Variants in ANO3 observed in about 807,000 individuals in gnomAD.
ANO3 encodes the protein anoctamin 3.
In ANO3, 99 loss-of-function variants were observed where a neutral mutation model predicts 144.8. The ratio of observed to expected loss-of-function variants is 0.68; its 90% CI spans 0.58 to 0.81. ANO3 has a LOEUF of 0.81. Among genes scored for constraint, ANO3 ranks in the 30% least tolerant of loss-of-function variants. The probability of loss-of-function intolerance (pLI) is 0.00; values close to 1 mark genes in which losing one functional copy is unlikely to be tolerated. For missense variants in ANO3, 905 were observed against 1,202.2 expected (o/e 0.75, Z 3.66); for synonymous variants, 414 against 392.6 (o/e 1.05, Z -0.64).
intron 4 of ANO3, among the ~76,000 whole-genome samples, chr11:26,482,201 A>C (rs1323443096): frequency 6.6e-6 from 1 of 151,624 alleles, no homozygotes; most frequent in African/African-American, 2.4e-5. Flanking sequence ...CCCAGCTTTT[A>C]GTGTTTCTTT....
intron 18 of ANO3, among the ~76,000 whole-genome samples, chr11:26,631,525 T>C (rs556445182): frequency 6.6e-6 from 1 of 152,270 alleles, no homozygotes; most frequent in Non-Finnish European, 1.5e-5. Flanking sequence ...CATCTATCTT[T>C]CAATTATCTG....
chr11:26,655,162 G>A (rs570543385), intron 24 of ANO3, among the ~76,000 whole-genome samples: 5 of 152,192 alleles, frequency 3.3e-5, no homozygotes, highest in African/African-American at 7.2e-5. Flanking sequence ...TTTCCAGGCT[G>A]CCCAAGAACT....
At chr11:26,417,641 A>G (rs1857629688) in intron 1 of ANO3, among the ~76,000 whole-genome samples, 1 of 152,002 alleles carries the variant, frequency 6.6e-6, no homozygotes, top group African/African-American at 2.4e-5. Flanking sequence ...AAAGAATATT[A>G]AAGTATACAT....
intron 4 of ANO3, chr11:26,473,756 TTAAA>T (rs1468987294): frequency 1.8e-5 from 3 of 163,512 alleles, no homozygotes; most frequent in Non-Finnish European, 3.8e-5. Flanking sequence ...CGTTATATGA[TTAAA>T]TGTCACTTAG....
chr11:26,261,991 G>C (rs1446470896), intron 1 of ANO3, among the ~76,000 whole-genome samples: 1 of 152,168 alleles, frequency 6.6e-6, no homozygotes, highest in Non-Finnish European at 1.5e-5. Context: ...GTAACTTTAA[G>C]TAAAATGTTC....
At chr11:26,217,171 GT>G (rs1852050720) in intron 1 of ANO3, among the ~76,000 whole-genome samples, 1 of 151,738 alleles carries the variant, frequency 6.6e-6, no homozygotes, top group African/African-American at 2.4e-5. Context: ...CTATTTTATT[GT>G]CTAGAAGGTT....
At chr11:26,431,631 C>T (rs1858093141) in intron 1 of ANO3, among the ~76,000 whole-genome samples, 1 of 152,170 alleles carries the variant, frequency 6.6e-6, no homozygotes, top group Non-Finnish European at 1.5e-5. Context: ...TCAGCTCCCA[C>T]TTATGAGGAC....
intron 1 of ANO3, among the ~76,000 whole-genome samples, chr11:26,334,818 T>C (rs1855151414): frequency 6.6e-6 from 1 of 152,238 alleles, no homozygotes; most frequent in South Asian, 2.1e-4. Flanking sequence ...TCAATGTCTC[T>C]TTTAAAAATT....
intron 1 of ANO3, among the ~76,000 whole-genome samples, chr11:26,421,988 A>G (rs1320221472): frequency 6.6e-6 from 1 of 152,000 alleles, no homozygotes; most frequent in Non-Finnish European, 1.5e-5. Context: ...ACAAAAATTA[A>G]CTAATGGGTA....
intron 5 of ANO3, among the ~76,000 whole-genome samples, chr11:26,509,610 G>A (rs1861577007): frequency 6.6e-6 from 1 of 152,066 alleles, no homozygotes; most frequent in Non-Finnish European, 1.5e-5. Flanking sequence ...CCTGCGCCCG[G>A]CGCTACTATT....
At chr11:26,513,462 A>G (rs1463127338) in intron 5 of ANO3, among the ~76,000 whole-genome samples, 2 of 152,144 alleles carry the variant, frequency 1.3e-5, no homozygotes, top group Non-Finnish European at 2.9e-5. Flanking sequence ...CTGTACGGTA[A>G]AGTAAAACAA....
chr11:26,512,403 G>T (rs1861699392), intron 5 of ANO3, among the ~76,000 whole-genome samples: 1 of 152,170 alleles, frequency 6.6e-6, no homozygotes, highest in African/African-American at 2.4e-5. Flanking sequence ...AATAGTGCCA[G>T]ATTGGCAGTT....
intron 1 of ANO3, among the ~76,000 whole-genome samples, chr11:26,342,467 A>G (rs1007575757): frequency 2.1e-5 from 3 of 144,550 alleles, no homozygotes; most frequent in South Asian, 2.3e-4. Flanking sequence ...ATGCAAGGCC[A>G]TACCATTTGT....
intron 4 of ANO3, among the ~76,000 whole-genome samples, chr11:26,477,988 G>A (rs11029577): frequency 0.27 from 41,748 of 152,028 alleles, 5,918 homozygotes; most frequent in South Asian, 0.39. Context: ...TTGGAGGTAA[G>A]TAACAATACA....
At chr11:26,267,120 G>GA (rs1306098894) in intron 1 of ANO3, among the ~76,000 whole-genome samples, 1 of 149,246 alleles carries the variant, frequency 6.7e-6, no homozygotes, top group African/African-American at 2.4e-5. Context: ...GAAAAGAAAA[G>GA]AAAAAGACTT....
Position 26,633,965 on chromosome 11 carries a change from C to A in ANO3, c.1874-239C>A, listed in dbSNP as rs77132774. ...TGGTGGCGGGCGCTTATAATCCCAG[C>A]TACTTGGGAGGCTGAGCCAGAAGAA... On this transcript the variant is annotated intron_variant, in intron 18 of 26. Transcript: ENST00000256737. Among the ~76,000 whole-genome samples the A allele has an allele frequency of 0.02, 2,963 of 151,638 alleles. 241 individuals carry two copies. The East Asian group carries it at 0.28, about 14-fold the overall frequency.
upstream of ANO3, among the ~76,000 whole-genome samples, chr11:26,308,983 G>T (rs1242232122): frequency 6.6e-6 from 1 of 152,142 alleles, no homozygotes; most frequent in African/African-American, 2.4e-5. Context: ...ATCTCCCTAA[G>T]TTCATATAGT....
At chr11:26,306,537 A>T (rs1367014564), upstream of ANO3, among the ~76,000 whole-genome samples, 1 of 151,934 alleles carries the variant, frequency 6.6e-6, no homozygotes, top group Non-Finnish European at 1.5e-5. Context: ...AGTGGTGTGC[A>T]CCTGTGGTCC....
At chr11:26,458,940 T>C (rs1859266636) in intron 3 of ANO3, among the ~76,000 whole-genome samples, 1 of 152,060 alleles carries the variant, frequency 6.6e-6, no homozygotes, top group South Asian at 2.1e-4. Flanking sequence ...TAATAAAAAA[T>C]AATAAAGCAT....
Sources: allele counts gnomAD v4.1 joint callset (sites outside exome capture counted in the v4.1 genomes callset), GRCh38; gene constraint gnomAD v4.1.1; transcripts MANE v1.5; gene names NCBI Gene and HGNC (gene_info 2026-07-23, HGNC 2026-07-21).